Variants in LAMA2 observed in about 807,000 individuals in gnomAD.
LAMA2 encodes laminin subunit alpha 2, also known as laminin subunit alpha-2.
LAMA2 carries 269 observed loss-of-function variants against 364.8 expected under a neutral mutation model. The ratio of observed to expected loss-of-function variants is 0.74; its 90% confidence interval spans 0.67 to 0.82. The LOEUF is 0.82. Ranked by LOEUF, LAMA2 falls within the 40% of genes least tolerant of loss-of-function variation. The pLI, the probability that LAMA2 is intolerant of heterozygous loss-of-function variation, is 0.00. For missense variants in LAMA2, 3,807 were observed against 3,873.2 expected (o/e 0.98, Z 0.45); for synonymous variants, 1,379 against 1,370.6 (o/e 1.01, Z -0.14).
intron 1 of LAMA2, among the ~76,000 whole-genome samples, chr6:129,016,950 C>T (rs1470531863): frequency 6.6e-6 from 1 of 151,256 alleles, no homozygotes; most frequent in African/African-American, 2.4e-5. Flanking sequence ...ATAAAAACAC[C>T]CCATTTCCTT....
chr6:129,427,667 A>C, intron 40 of LAMA2, 85 bp from the exon 41 acceptor site: 7 of 949,528 alleles, frequency 7.4e-6, no homozygotes, highest in Non-Finnish European at 1.2e-5. Flanking sequence ...CTAAAGGCAA[A>C]CTCTGTGTAC....
At chr6:128,938,847 A>C (rs192620254) in intron 1 of LAMA2, among the ~76,000 whole-genome samples, 1 of 152,224 alleles carries the variant, frequency 6.6e-6, no homozygotes, top group South Asian at 2.1e-4. Context: ...CTCCATGTTG[A>C]TAGTCTTAAT....
At chr6:129,070,195 C>T (rs539882298) in intron 3 of LAMA2, among the ~76,000 whole-genome samples, 8 of 152,110 alleles carry the variant, frequency 5.3e-5, no homozygotes, top group Middle Eastern at 3.4e-3. Flanking sequence ...TTCCTTATTA[C>T]GAGGCATATT....
chr6:129,489,461 T>C (rs1208232118), intron 56 of LAMA2, among the ~76,000 whole-genome samples: 1 of 152,124 alleles, frequency 6.6e-6, no homozygotes, highest in South Asian at 2.1e-4. Flanking sequence ...CTCTGATCCT[T>C]CTCCTGGCAT....
chr6:128,997,436 A>G (rs1784048529), intron 1 of LAMA2, among the ~76,000 whole-genome samples: 3 of 152,074 alleles, frequency 2.0e-5, no homozygotes. Context: ...GTGAAGTAAG[A>G]GAGGGGAAGA....
At chr6:129,386,213 T>C (rs992430141) in intron 35 of LAMA2, among the ~76,000 whole-genome samples, 28 of 152,136 alleles carry the variant, frequency 1.8e-4, no homozygotes, top group Admixed American at 2.0e-4. Flanking sequence ...TTTACAATCA[T>C]TTTCAATACT....
At chr6:129,098,697 A>C (rs899831340) in intron 4 of LAMA2, among the ~76,000 whole-genome samples, 6 of 152,240 alleles carry the variant, frequency 3.9e-5, no homozygotes, top group African/African-American at 1.2e-4. Context: ...TTTCTCAACA[A>C]TGAGGATTGC....
chr6:129,472,720 T>G (rs1164938500), intron 51 of LAMA2, among the ~76,000 whole-genome samples: 2 of 151,932 alleles, frequency 1.3e-5, no homozygotes, highest in African/African-American at 4.8e-5. Context: ...CCCTTCCACT[T>G]CCATGTACAA....
chr6:129,374,599 CAG>C (rs996310815), intron 34 of LAMA2, among the ~76,000 whole-genome samples: 3 of 147,952 alleles, frequency 2.0e-5, no homozygotes, highest in African/African-American at 5.0e-5. Context: ...TTTTTTTAAA[CAG>C]AGTTTCACCC....
At chr6:129,469,757 C>G (rs1783718507) in intron 51 of LAMA2, among the ~76,000 whole-genome samples, 1 of 150,982 alleles carries the variant, frequency 6.6e-6, no homozygotes, top group African/African-American at 2.4e-5. Flanking sequence ...GGAATACTAG[C>G]AATAAAATAC....
intron 12 of LAMA2, among the ~76,000 whole-genome samples, chr6:129,208,565 AG>A (rs1782847248): frequency 1.3e-5 from 1 of 78,986 alleles, no homozygotes; most frequent in South Asian, 3.8e-4. Flanking sequence ...AGAAAGAAAG[AG>A]AAAGAAAGAG....
chr6:129,464,263 A>G, intron 49 of LAMA2, 27 bp from the exon 50 acceptor site: 1 of 1,593,532 alleles, frequency 6.3e-7, no homozygotes, highest in Non-Finnish European at 8.6e-7. Context: ...ATATGATCTG[A>G]TTCATGTGAA....
chr6:129,353,423 A>T, intron 32 of LAMA2, 66 bp downstream of exon 32: 5 of 1,300,930 alleles, frequency 3.8e-6, no homozygotes, highest in Non-Finnish European at 5.6e-6. Flanking sequence ...ATTTCCAATG[A>T]GAAAGAGTGA....
intron 1 of LAMA2, among the ~76,000 whole-genome samples, chr6:129,040,700 C>A (rs1224170729): frequency 6.6e-6 from 1 of 152,132 alleles, no homozygotes; most frequent in African/African-American, 2.4e-5. Context: ...TTGCAAGTGG[C>A]CTTCAGGAGG....
chr6:129,191,583 A>G (rs1373831744), intron 11 of LAMA2, among the ~76,000 whole-genome samples: 2 of 152,190 alleles, frequency 1.3e-5, no homozygotes, highest in African/African-American at 4.8e-5. Context: ...ACTGTCTTAC[A>G]ATGCCTCAAG....
chr6:128,978,854 GA>G (rs943667167), intron 1 of LAMA2, among the ~76,000 whole-genome samples: 11 of 152,198 alleles, frequency 7.2e-5, no homozygotes, highest in Admixed American at 2.6e-4. Flanking sequence ...AGAAGGTTGA[GA>G]AAGATGTTTT....
At chr6:129,407,610 G>A (rs1780312701) in intron 40 of LAMA2, among the ~76,000 whole-genome samples, 1 of 152,194 alleles carries the variant, frequency 6.6e-6, no homozygotes, top group African/African-American at 2.4e-5. Flanking sequence ...AACTGGCCAC[G>A]TGGTTGTAGC....
At position 129,252,234 on chromosome 6, in the gene LAMA2, G is replaced by A; in HGVS notation, c.2035G>A (p.Ala679Thr). The A allele has an allele frequency of 1.2e-6, 2 of 1,614,054 alleles. No individual in the cohort carries two copies. Among genetic ancestry groups the A allele is most frequent in the Non-Finnish European group, 1.7e-6 (2 of 1,179,976 alleles). Reference sequence around the variant, plus strand: ...TAGAAAGGAATTTATGACAGTGCTTGCGAATTTGAAGAGAGTCCTCCTACA... The same window carrying A: ...TAGAAAGGAATTTATGACAGTGCTTACGAATTTGAAGAGAGTCCTCCTACA... ...VRRKEFMTVL[A>T]NLKRVLLQIT... Residue 679 changes from alanine (A) to threonine (T), a missense_variant, in exon 14 of 65, where the codon GCG becomes ACG. Ala to Thr is a moderately conservative substitution (Grantham distance 58). Around this residue, in one of 3 missense-constraint regions of LAMA2, gnomAD observed 3,333 missense variants for 3,345.7 expected, o/e 1.00. Coordinates refer to ENST00000421865, the MANE Select transcript of LAMA2 (RefSeq NM_000426.4).
At chr6:129,368,971 TGGG>T (rs1436119906) in intron 33 of LAMA2, among the ~76,000 whole-genome samples, 2 of 152,116 alleles carry the variant, frequency 1.3e-5, no homozygotes, top group Non-Finnish European at 2.9e-5. Context: ...CTGAACACCA[TGGG>T]GGAATTGTGG....
Sources: allele counts gnomAD v4.1 joint callset (sites outside exome capture counted in the v4.1 genomes callset), GRCh38; gene constraint gnomAD v4.1.1; regional missense constraint gnomAD v4.1.1; transcripts MANE v1.5; gene names NCBI Gene and HGNC (gene_info 2026-07-23, HGNC 2026-07-21).